The following TANGO6 variants were observed in gnomAD, a reference collection of about 807,000 sequenced individuals.
TANGO6 encodes transport and golgi organization 6 homolog.
In TANGO6, 90 loss-of-function variants were observed where a neutral mutation model predicts 114.2. The ratio of observed to expected loss-of-function variants is 0.79; its 90% CI spans 0.66 to 0.94. The LOEUF is 0.94. Among genes scored for constraint, TANGO6 ranks in the 40% least tolerant of loss-of-function variants. The pLI is 0.00. For synonymous variants in TANGO6, 477 were observed against 509.8 expected (o/e 0.94, Z 0.87); for missense variants, 1,274 against 1,315.3 (o/e 0.97, Z 0.49).
intron 1 of TANGO6, chr16:68,846,383 G>C (rs186274060): frequency 4.8e-6 from 1 of 208,596 alleles, no homozygotes; most frequent in East Asian, 1.8e-4. Context: ...GTCATGATAG[G>C]TTGTTTTGAC....
intron 14 of TANGO6, among the ~76,000 whole-genome samples, chr16:68,956,440 T>C (rs973187218): frequency 3.3e-5 from 5 of 152,120 alleles, no homozygotes; most frequent in Admixed American, 6.6e-5. Context: ...AACATTAAGC[T>C]TAGACCCGCT....
chr16:68,896,162 A>C (rs1465368005), intron 7 of TANGO6, among the ~76,000 whole-genome samples: 4 of 151,636 alleles, frequency 2.6e-5, no homozygotes, highest in Admixed American at 2.6e-4. Flanking sequence ...CCACCCCACC[A>C]CACCTGGCTA....
rs187728526 is a variant in TANGO6 at position 68,950,728 on chromosome 16, G to A, written c.2701+20433G>A. ...ACTAAAATTAGCCAGGTGTGGTGGC[G>A]GGCACCTGTGATCCCAGCTGCTCAG... On this transcript the variant is annotated intron_variant, in intron 14 of 17. Coordinates refer to ENST00000261778, the MANE Select transcript of TANGO6 (RefSeq NM_024562.2). 6.8e-4 allele frequency among the ~76,000 whole-genome samples: 102 copies of A among 150,736 alleles called. 1 individual carries two copies. Among genetic ancestry groups the A allele is most frequent in the Admixed American group, 2.0e-3 (30 of 15,072 alleles).
At chr16:69,059,463 C>G (rs1402618956) in intron 17 of TANGO6, among the ~76,000 whole-genome samples, 1 of 151,970 alleles carries the variant, frequency 6.6e-6, no homozygotes, top group Non-Finnish European at 1.5e-5. Flanking sequence ...GCCTCAGCCT[C>G]CCAAAGTTCT....
chr16:68,853,744 A>G (rs1961940535), intron 1 of TANGO6, among the ~76,000 whole-genome samples: 1 of 152,204 alleles, frequency 6.6e-6, no homozygotes, highest in South Asian at 2.1e-4. Flanking sequence ...TGATCATGTC[A>G]TACTTCTGCC....
At chr16:69,054,775 T>C (rs923458634) in intron 17 of TANGO6, among the ~76,000 whole-genome samples, 1 of 97,750 alleles carries the variant, frequency 1.0e-5, no homozygotes, top group Admixed American at 1.2e-4. Context: ...CTACTAAAAA[T>C]ACAAAAAAAA....
chr16:68,980,415 A>C (rs1195156221), intron 15 of TANGO6, among the ~76,000 whole-genome samples: 2,721 of 36,186 alleles, frequency 0.075, 57 homozygotes, highest in Non-Finnish European at 0.11. Context: ...CTCTCTATAT[A>C]TATATATATA....
chr16:69,059,201 A>G (rs1960079460), intron 17 of TANGO6, among the ~76,000 whole-genome samples: 1 of 151,222 alleles, frequency 6.6e-6, no homozygotes, highest in African/African-American at 2.4e-5. Flanking sequence ...CAGCCTCCCA[A>G]TTATCTGGGA....
rs551556603 is a variant in TANGO6, at chr16:69,083,745, C to T, written c.*84C>T. 2 of 1,425,718 alleles carry T rather than the reference C, an allele frequency of 1.4e-6. No homozygotes were observed. Among genetic ancestry groups the T allele is most frequent in the African/African-American group, 1.4e-5 (1 of 70,206 alleles). 88.3% of individuals were successfully genotyped at this position (1,425,718 alleles called of 1,614,324 possible). On this transcript the variant is annotated 3_prime_UTR_variant, in exon 18 of 18. Coordinates refer to ENST00000261778, the MANE Select transcript of TANGO6 (RefSeq NM_024562.2). ...GGTCTTCCAGCAGGTGGCCCTGCTG[C>T]CTCTTGAGTGCTGGCAGCATGGCTG...
intron 17 of TANGO6, among the ~76,000 whole-genome samples, chr16:69,055,118 T>C (rs1960014144): frequency 6.6e-6 from 1 of 152,090 alleles, no homozygotes; most frequent in Admixed American, 6.6e-5. Flanking sequence ...GGAGACAGGC[T>C]TCATTCTTCC....
At chr16:69,068,963 C>T (rs1960258650) in intron 17 of TANGO6, among the ~76,000 whole-genome samples, 2 of 152,142 alleles carry the variant, frequency 1.3e-5, no homozygotes, top group South Asian at 4.1e-4. Flanking sequence ...GTGATCCACC[C>T]GCCTCAGCCT....
intron 15 of TANGO6, among the ~76,000 whole-genome samples, chr16:68,990,124 C>G (rs1050877705): frequency 3.9e-5 from 6 of 152,148 alleles, no homozygotes; most frequent in African/African-American, 1.4e-4. Flanking sequence ...GCCTCAAACT[C>G]CTGGCTCAAG....
At chr16:69,045,811 A>G (rs1412169933) in intron 17 of TANGO6, among the ~76,000 whole-genome samples, 1 of 151,882 alleles carries the variant, frequency 6.6e-6, no homozygotes, top group Non-Finnish European at 1.5e-5. Flanking sequence ...CATGCTTGTA[A>G]TCCCAGCACT....
intron 1 of TANGO6, among the ~76,000 whole-genome samples, chr16:68,850,281 TC>T (rs1289746721): frequency 2.0e-5 from 3 of 152,102 alleles, no homozygotes; most frequent in African/African-American, 7.2e-5. Flanking sequence ...CTCTAGCTGT[TC>T]TTTTATCCTA....
At chr16:68,858,700 C>G (rs1013265515) in intron 1 of TANGO6, among the ~76,000 whole-genome samples, 1 of 151,940 alleles carries the variant, frequency 6.6e-6, no homozygotes, top group African/African-American at 2.4e-5. Flanking sequence ...CCAGGCTGAT[C>G]TCAAACTCCT....
intron 15 of TANGO6, among the ~76,000 whole-genome samples, chr16:68,992,686 A>G (rs182872221): frequency 6.6e-6 from 1 of 152,306 alleles, no homozygotes; most frequent in Admixed American, 6.5e-5. Flanking sequence ...TTGCTTTTCA[A>G]CAGAGATTCT....
At chr16:68,954,397 T>C (rs1321342423) in intron 14 of TANGO6, among the ~76,000 whole-genome samples, 2 of 152,100 alleles carry the variant, frequency 1.3e-5, no homozygotes, top group Non-Finnish European at 2.9e-5. Context: ...AGGAGGGGCA[T>C]GGGTGAGTGG....
At chr16:69,005,021 G>A (rs1036478203) in intron 15 of TANGO6, among the ~76,000 whole-genome samples, 17 of 152,180 alleles carry the variant, frequency 1.1e-4, no homozygotes, top group Non-Finnish European at 2.2e-4. Flanking sequence ...ACACCCCAGA[G>A]CATCTGGCAT....
At chr16:68,867,889 C>G (rs529763832) in intron 4 of TANGO6, 1 of 152,054 alleles carries the variant, frequency 6.6e-6, no homozygotes, top group East Asian at 1.9e-4. Context: ...CACCTGTAAT[C>G]CCAGCACTTT....
Sources: gnomAD v4.1 joint callset for allele counts (sites outside exome capture counted in the v4.1 genomes callset) on GRCh38, gnomAD v4.1.1 for gene constraint, MANE v1.5 for transcripts, NCBI Gene and HGNC (gene_info 2026-07-23, HGNC 2026-07-21) for gene names.